Variants in JPH3 observed in about 807,000 individuals in gnomAD.
The protein encoded by JPH3 is junctophilin-3.
JPH3 carries 11 observed loss-of-function variants against 59.6 expected under a neutral mutation model. That is an observed-to-expected ratio of 0.18 (90% CI 0.12 to 0.31). The LOEUF (loss-of-function observed/expected upper bound fraction) is 0.31, where lower values mean the gene tolerates loss of function less well. JPH3 is among the 10% of genes least tolerant of loss of function. The pLI, the probability that JPH3 is intolerant of heterozygous loss-of-function variation, is 1.00. For synonymous variants in JPH3, 673 were observed against 483.6 expected (o/e 1.39, Z -5.14); for missense variants, 1,202 against 1,105.7 (o/e 1.09, Z -1.24).
intron 3 of JPH3, among the ~76,000 whole-genome samples, chr16:87,685,258 G>C (rs1597290016): frequency 6.6e-6 from 1 of 152,228 alleles, no homozygotes; most frequent in South Asian, 2.1e-4. Context: ...TGCAGAGCCT[G>C]CAGCTGCAGC....
At chr16:87,659,391 A>AAAAAAAAAAAAAAAC (rs1567603525) in intron 2 of JPH3, among the ~76,000 whole-genome samples, 6 of 146,194 alleles carry the variant, frequency 4.1e-5, no homozygotes, top group African/African-American at 1.5e-4. Context: ...AAAAAAGAAA[A>AAAAAAAAAAAAAAAC]AAAAAAAGAA....
chr16:87,660,409 C>T (rs1462963395), intron 2 of JPH3, among the ~76,000 whole-genome samples: 1 of 152,074 alleles, frequency 6.6e-6, no homozygotes, highest in Admixed American at 6.6e-5. Context: ...TGAAAGGGGC[C>T]TCCCCAGAGA....
intron 1 of JPH3, among the ~76,000 whole-genome samples, chr16:87,639,258 G>T (rs1016582755): frequency 6.6e-6 from 1 of 152,110 alleles, no homozygotes; most frequent in Non-Finnish European, 1.5e-5. Flanking sequence ...GGTTAACCCA[G>T]ACATTCCCAA....
chr16:87,666,873 G>C (rs191183994), intron 2 of JPH3, among the ~76,000 whole-genome samples: 1 of 152,242 alleles, frequency 6.6e-6, no homozygotes, highest in Non-Finnish European at 1.5e-5. Context: ...CCTCGTCACC[G>C]AGTGGGAGCT....
chr16:87,675,605 A>G (rs1268108953), intron 2 of JPH3, among the ~76,000 whole-genome samples: 1 of 151,344 alleles, frequency 6.6e-6, no homozygotes, highest in Non-Finnish European at 1.5e-5. Context: ...TGTTTTCCAC[A>G]CTCCCCCTCT....
intron 2 of JPH3, among the ~76,000 whole-genome samples, chr16:87,666,006 G>A (rs1305870721): frequency 6.6e-6 from 1 of 152,136 alleles, no homozygotes; most frequent in Admixed American, 6.5e-5. Flanking sequence ...AGGCCCGCTC[G>A]ATCCATGGGG....
intron 2 of JPH3, among the ~76,000 whole-genome samples, chr16:87,667,846 T>C (rs2032912189): frequency 6.6e-6 from 1 of 152,192 alleles, no homozygotes; most frequent in Admixed American, 6.5e-5. Flanking sequence ...TTGTTTTTCC[T>C]ACAACCCCTT....
At chr16:87,677,225 C>CACACAAAA (rs1271128667) in intron 2 of JPH3, among the ~76,000 whole-genome samples, 1 of 81,640 alleles carries the variant, frequency 1.2e-5, no homozygotes, top group African/African-American at 4.3e-5. Context: ...CACACACACA[C>CACACAAAA]AAAAAAAAAA....
Position 87,690,382 on chromosome 16 carries a change from C to G in JPH3, c.2022C>G (p.Ala674=), listed in dbSNP as rs763684246. 4 of 1,527,516 alleles carry G rather than the reference C, an allele frequency of 2.6e-6. No homozygotes were observed. Among genetic ancestry groups the G allele is most frequent in the East Asian group, 2.4e-5 (1 of 42,378 alleles). 94.6% of individuals were successfully genotyped at this position (1,527,516 alleles called of 1,614,324 possible). A position where few individuals can be genotyped will look rare whatever the true frequency, so the allele number is the denominator to read the frequency against. ...GGCCGGCCTCCTCCGCGGAGCCCGC[C>G]GTGCAGAAACTGGCGAGCCTGCGGC... ...NFRPASSAEP[A]VQKLASLRLG... The change falls in exon 4 of 5, where the codon GCC becomes GCG. Residue 674 remains alanine, a synonymous_variant. Coordinates refer to ENST00000284262, the MANE Select transcript of JPH3 (RefSeq NM_020655.4).
At chr16:87,627,781 TCCACC>T (rs1339023177) in intron 1 of JPH3, among the ~76,000 whole-genome samples, 2 of 152,198 alleles carry the variant, frequency 1.3e-5, no homozygotes, top group African/African-American at 4.8e-5. Flanking sequence ...TTGCCCGACT[TCCACC>T]CATGCCGGTG....
rs760566281 is a variant in JPH3, at chr16:87,684,246, C to G, written c.1265C>G (p.Ser422Cys). The G allele has an allele frequency of 6.2e-7, 1 of 1,614,016 alleles. No homozygotes were observed. The highest frequency in any genetic ancestry group is 8.5e-7 in the Non-Finnish European group (1 of 1,180,004). The change falls in exon 3 of 5, where the codon TCC (serine) becomes TGC (cysteine). Residue 422 changes from serine (S) to cysteine (C), a missense_variant. Physicochemically the swap from Ser to Cys is moderately radical, Grantham distance 112. Transcript: ENST00000284262. ...ATCACTGCCAAAGAGTTCTCCCCTTCCTTCCAGCACCGGGAAAACGGTGAG... is the reference window on the plus strand; with the variant it reads ...ATCACTGCCAAAGAGTTCTCCCCTTGCTTCCAGCACCGGGAAAACGGTGAG... ...ARITAKEFSP[S>C]FQHRENGLEY...
intron 2 of JPH3, among the ~76,000 whole-genome samples, chr16:87,668,383 C>G (rs541097820): frequency 6.6e-6 from 1 of 152,210 alleles, no homozygotes; most frequent in Admixed American, 6.5e-5. Flanking sequence ...TCTCCGCAGA[C>G]GCCCTTTCCA....
At chr16:87,630,507 T>C (rs1373137268) in intron 1 of JPH3, among the ~76,000 whole-genome samples, 1 of 152,096 alleles carries the variant, frequency 6.6e-6, no homozygotes, top group East Asian at 1.9e-4. Context: ...CACACCCACG[T>C]TGACAACGTA....
At chr16:87,625,862 T>C (rs1347289540) in intron 1 of JPH3, among the ~76,000 whole-genome samples, 2 of 152,022 alleles carry the variant, frequency 1.3e-5, no homozygotes, top group Non-Finnish European at 2.9e-5. Context: ...CTATGGCATG[T>C]TCACCCCATA....
chr16:87,659,023 C>A (rs891328107), intron 2 of JPH3, among the ~76,000 whole-genome samples: 1 of 152,226 alleles, frequency 6.6e-6, no homozygotes, highest in Non-Finnish European at 1.5e-5. Context: ...TCTGGGACAG[C>A]TGCGGCGGCC....
intron 1 of JPH3, among the ~76,000 whole-genome samples, chr16:87,609,246 C>CT (rs2030643511): frequency 2.0e-5 from 3 of 152,114 alleles, no homozygotes; most frequent in African/African-American, 7.2e-5. Context: ...GGGGGTGAGA[C>CT]TTTATTTTTT....
At chr16:87,685,950 A>G (rs890796964) in intron 3 of JPH3, among the ~76,000 whole-genome samples, 42 of 152,290 alleles carry the variant, frequency 2.8e-4, no homozygotes, top group African/African-American at 1.0e-3. Context: ...ACTTTGAGAC[A>G]AGATCAGCCT....
chr16:87,680,037 G>A (rs1490775718), intron 2 of JPH3, among the ~76,000 whole-genome samples: 4 of 152,226 alleles, frequency 2.6e-5, no homozygotes, highest in Non-Finnish European at 5.9e-5. Flanking sequence ...GTTGGGGACA[G>A]GGCAGCCACA....
At chr16:87,648,965 C>T (rs2032242483) in intron 2 of JPH3, among the ~76,000 whole-genome samples, 1 of 152,210 alleles carries the variant, frequency 6.6e-6, no homozygotes, top group African/African-American at 2.4e-5. Context: ...GTGGGTGCTG[C>T]CGCCGGGAGG....
Sources: allele counts gnomAD v4.1 joint callset (sites outside exome capture counted in the v4.1 genomes callset), GRCh38; gene constraint gnomAD v4.1.1; transcripts MANE v1.5; gene names NCBI Gene and HGNC (gene_info 2026-07-23, HGNC 2026-07-21).